The following OSBPL8 variants were observed in gnomAD, a reference collection of about 807,000 sequenced individuals.
The protein encoded by OSBPL8 is oxysterol-binding protein-related protein 8.
Under a neutral mutation model 125.5 loss-of-function variants are expected in OSBPL8, and 59 were observed. The ratio of observed to expected loss-of-function variants is 0.47; its 90% confidence interval spans 0.38 to 0.58. The LOEUF is 0.58. Among genes scored for constraint, OSBPL8 ranks in the 20% least tolerant of loss-of-function variants. The pLI, the probability that OSBPL8 is intolerant of heterozygous loss-of-function variation, is 0.00. For synonymous variants in OSBPL8, 330 were observed against 338.9 expected (o/e 0.97, Z 0.29); for missense variants, 758 against 1,047.8 (o/e 0.72, Z 3.82).
intron 16 of OSBPL8, 133 bp downstream of exon 16, chr12:76,378,319 T>A: frequency 3.2e-6 from 2 of 616,568 alleles, no homozygotes; most frequent in Non-Finnish European, 5.6e-6. Context: ...ATCTTAAATA[T>A]CTGTAATCCA....
chr12:76,451,569 T>C (rs140995706), intron 3 of OSBPL8, among the ~76,000 whole-genome samples: 3 of 152,178 alleles, frequency 2.0e-5, no homozygotes, highest in Admixed American at 1.3e-4. Flanking sequence ...GAGGCAAGAT[T>C]CTAACTCAGA....
At chr12:76,533,644 C>T (rs766085664) in intron 1 of OSBPL8, among the ~76,000 whole-genome samples, 4 of 152,104 alleles carry the variant, frequency 2.6e-5, no homozygotes, top group Admixed American at 6.6e-5. Flanking sequence ...GAAACTCAAG[C>T]GCTCAGAAAT....
At chr12:76,529,354 C>T (rs1950270241) in intron 1 of OSBPL8, among the ~76,000 whole-genome samples, 1 of 152,028 alleles carries the variant, frequency 6.6e-6, no homozygotes, top group Admixed American at 6.6e-5. Flanking sequence ...AAAAACAAAT[C>T]AGTTGGTGAG....
At chr12:76,430,730 A>G (rs1365827290) in intron 4 of OSBPL8, among the ~76,000 whole-genome samples, 1 of 152,208 alleles carries the variant, frequency 6.6e-6, no homozygotes, top group African/African-American at 2.4e-5. Context: ...GATATATTCA[A>G]TGTACTGAAA....
chr12:76,530,576 A>C (rs1318442766), intron 1 of OSBPL8, among the ~76,000 whole-genome samples: 1 of 152,110 alleles, frequency 6.6e-6, no homozygotes, highest in Non-Finnish European at 1.5e-5. Flanking sequence ...TTAACACCTG[A>C]CACACACATT....
At chr12:76,505,940 A>G (rs559913390) in intron 1 of OSBPL8, among the ~76,000 whole-genome samples, 3 of 152,354 alleles carry the variant, frequency 2.0e-5, no homozygotes, top group East Asian at 3.9e-4. Context: ...TTACTTAAGT[A>G]GGATCATTTG....
At chr12:76,527,563 G>C (rs61925552) in intron 1 of OSBPL8, among the ~76,000 whole-genome samples, 11 of 152,160 alleles carry the variant, frequency 7.2e-5, no homozygotes, top group Non-Finnish European at 1.6e-4. Flanking sequence ...ACATGGGTCT[G>C]AGAGCTCTAC....
chr12:76,388,693 A>C (rs756288618), intron 12 of OSBPL8, among the ~76,000 whole-genome samples: 1 of 152,142 alleles, frequency 6.6e-6, no homozygotes, highest in Non-Finnish European at 1.5e-5. Flanking sequence ...TTCATTTTCC[A>C]ACTGCCCAGT....
At chr12:76,415,329 C>CCT (rs772779039) in intron 4 of OSBPL8, among the ~76,000 whole-genome samples, 2 of 151,370 alleles carry the variant, frequency 1.3e-5, no homozygotes, top group East Asian at 3.9e-4. Context: ...CTCACTGCAA[C>CCT]CTCTGCCTCC....
At chr12:76,393,660 G>A (rs1381631237) in intron 9 of OSBPL8, among the ~76,000 whole-genome samples, 24 of 127,930 alleles carry the variant, frequency 1.9e-4, no homozygotes, top group African/African-American at 6.6e-4. Context: ...GCAGTGAGCC[G>A]AGATCGCATC....
intron 4 of OSBPL8, among the ~76,000 whole-genome samples, chr12:76,432,200 GACAA>G (rs1178665443): frequency 2.0e-5 from 3 of 151,968 alleles, no homozygotes; most frequent in African/African-American, 2.4e-5. Context: ...TTAAAAACAA[GACAA>G]ACAAAAAACA....
chr12:76,490,178 A>G (rs375550823), intron 1 of OSBPL8, among the ~76,000 whole-genome samples: 2 of 152,248 alleles, frequency 1.3e-5, no homozygotes, highest in East Asian at 3.8e-4. Flanking sequence ...TACTCCTGGT[A>G]AAGATGCTGT....
chr12:76,473,577 A>G (rs939429499), intron 2 of OSBPL8, among the ~76,000 whole-genome samples: 19 of 152,220 alleles, frequency 1.2e-4, no homozygotes, highest in Admixed American at 2.0e-4. Context: ...GTAGCTGTAC[A>G]TCAGTTTTTC....
Position 76,450,910 on chromosome 12 carries a change from G to C in OSBPL8, c.158C>G (p.Pro53Arg). The change falls in exon 4 of 24, where the codon CCA becomes CGA. Residue 53 changes from proline (P) to arginine (R), a missense_variant. Transcript: ENST00000261183. ...CTGATGCAAATCTTTGGTTGGCGTTGGATAAGCTTCTTTTCCTTGGCGCTG... is the reference window on the plus strand; with the variant it reads ...CTGATGCAAATCTTTGGTTGGCGTTCGATAAGCTTCTTTTCCTTGGCGCTG... Reference protein sequence around the residue: ...MSQRQGKEAYPTPTKDLHQPS... With the variant: ...MSQRQGKEAYRTPTKDLHQPS... 6.2e-7 allele frequency: 1 copy of C among 1,614,018 alleles called. No individual in the cohort carries two copies. Among genetic ancestry groups the C allele is most frequent in the Non-Finnish European group, 8.5e-7 (1 of 1,179,950 alleles).
chr12:76,491,700 C>T (rs766076347), intron 1 of OSBPL8, among the ~76,000 whole-genome samples: 32 of 152,306 alleles, frequency 2.1e-4, no homozygotes, highest in Middle Eastern at 3.4e-3. Flanking sequence ...GTAGACATTT[C>T]ATTAACAGTT....
intron 1 of OSBPL8, among the ~76,000 whole-genome samples, chr12:76,539,703 C>G (rs192720330): frequency 1.7e-4 from 26 of 152,278 alleles, no homozygotes; most frequent in African/African-American, 6.3e-4. Context: ...GATAAAAAGC[C>G]GAAGAGTGAA....
At chr12:76,499,804 A>G (rs1879710452) in intron 1 of OSBPL8, among the ~76,000 whole-genome samples, 1 of 151,922 alleles carries the variant, frequency 6.6e-6, no homozygotes, top group Admixed American at 6.6e-5. Flanking sequence ...AGCAGGCAGA[A>G]ATCACACCAC....
At chr12:76,358,334 C>T (rs546597188) in intron 22 of OSBPL8, among the ~76,000 whole-genome samples, 6 of 151,864 alleles carry the variant, frequency 4.0e-5, no homozygotes, top group East Asian at 3.9e-4. Context: ...TGTGCACCAC[C>T]GCACCTGGCT....
intron 6 of OSBPL8, 34 bp from the exon 7 acceptor site, chr12:76,400,008 T>C: frequency 2.3e-5 from 35 of 1,500,238 alleles, no homozygotes; most frequent in Non-Finnish European, 2.9e-5. Context: ...AGATAAAAAC[T>C]CAACAGAAAT....
Sources: allele counts gnomAD v4.1 joint callset (sites outside exome capture counted in the v4.1 genomes callset), GRCh38; gene constraint gnomAD v4.1.1; transcripts MANE v1.5; gene names NCBI Gene and HGNC (gene_info 2026-07-23, HGNC 2026-07-21).